Variants in SGCD observed in about 807,000 individuals in gnomAD.
The protein encoded by SGCD is sarcoglycan delta.
SGCD carries 18 observed loss-of-function variants against 36.6 expected under a neutral mutation model. That is an observed-to-expected ratio of 0.49 (90% CI 0.34 to 0.73). The LOEUF (loss-of-function observed/expected upper bound fraction) is 0.73. SGCD is among the 30% of genes least tolerant of loss of function. The pLI is 0.01. For missense variants in SGCD, 387 were observed against 346.7 expected, an observed-to-expected ratio of 1.12 and a Z score of -0.92; for synonymous variants, 133 against 130.6, an observed-to-expected ratio of 1.02 and a Z score of -0.12.
intron 3 of SGCD, among the ~76,000 whole-genome samples, chr5:156,236,465 T>C (rs1765166480): frequency 6.6e-6 from 1 of 151,962 alleles, no homozygotes; most frequent in African/African-American, 2.4e-5. Flanking sequence ...TTTTTTTTTT[T>C]TTGAGACGGA....
intron 3 of SGCD, among the ~76,000 whole-genome samples, chr5:156,250,127 C>G (rs943701162): frequency 6.6e-6 from 1 of 152,284 alleles, no homozygotes; most frequent in East Asian, 1.9e-4. Context: ...GGGTATTCTT[C>G]TATGTCCATG....
intron 6 of SGCD, among the ~76,000 whole-genome samples, chr5:156,633,573 A>G (rs1762713920): frequency 6.6e-6 from 1 of 152,172 alleles, no homozygotes; most frequent in Non-Finnish European, 1.5e-5. Flanking sequence ...TTTCTGCTAT[A>G]ATAATATCAT....
chr5:155,821,652 G>A, the SGCD span, among the ~76,000 whole-genome samples: 3 of 152,080 alleles, frequency 2.0e-5, no homozygotes, highest in South Asian at 2.1e-4. Context: ...GAACCTACAC[G>A]TCCATCCATA....
At chr5:155,728,636 C>G in the SGCD span, among the ~76,000 whole-genome samples, 1 of 152,116 alleles carries the variant, frequency 6.6e-6, no homozygotes, top group Non-Finnish European at 1.5e-5. Context: ...GCCGCTTGGC[C>G]GGCGCCGGCC....
chr5:155,870,869 G>A (rs1443789148), intron 1 of SGCD, among the ~76,000 whole-genome samples: 2 of 152,062 alleles, frequency 1.3e-5, no homozygotes, highest in African/African-American at 4.8e-5. Context: ...CACAACACGC[G>A]ATCGTTATTT....
At chr5:156,673,311 T>G (rs1753378383) in intron 7 of SGCD, among the ~76,000 whole-genome samples, 1 of 152,240 alleles carries the variant, frequency 6.6e-6, no homozygotes, top group Admixed American at 6.5e-5. Context: ...CCTCTTTCAT[T>G]TACTGAAAGC....
chr5:156,259,230 G>A (rs1162056213), intron 3 of SGCD, among the ~76,000 whole-genome samples: 3 of 151,748 alleles, frequency 2.0e-5, no homozygotes, highest in African/African-American at 4.8e-5. Context: ...ATGATATGGA[G>A]CATCTTTCCA....
At chr5:156,109,861 C>T (rs555592152) in intron 1 of SGCD, among the ~76,000 whole-genome samples, 9 of 152,252 alleles carry the variant, frequency 5.9e-5, no homozygotes, top group Admixed American at 4.6e-4. Context: ...AAAGGAACTC[C>T]ATAGGTATTT....
Position 156,031,005 on chromosome 5 carries a change from G to A in SGCD, c.-281-86873G>A, listed in dbSNP as rs77690289. Among the ~76,000 whole-genome samples, 1,179 of 152,254 alleles carry A rather than the reference G, an allele frequency of 7.7e-3. 18 individuals carry two copies. Among genetic ancestry groups the A allele is most frequent in the African/African-American group, 0.027 (1,125 of 41,544 alleles). ...GACCATGGGCAGAAGGCCTCCAGTAGCAGCATAAGAAAATCTGTCACCATC... is the reference window on the plus strand; with the variant it reads ...GACCATGGGCAGAAGGCCTCCAGTAACAGCATAAGAAAATCTGTCACCATC... On this transcript the variant is annotated intron_variant, in intron 1 of 9. Coordinates refer to the SGCD transcript ENST00000517913.
At chr5:156,240,957 T>G (rs1475276197) in intron 3 of SGCD, among the ~76,000 whole-genome samples, 1 of 152,200 alleles carries the variant, frequency 6.6e-6, no homozygotes, top group Non-Finnish European at 1.5e-5. Context: ...TTTTTTGGGC[T>G]CTAGATTAAT....
intron 1 of SGCD, among the ~76,000 whole-genome samples, chr5:156,112,820 T>C (rs1050700297): frequency 7.2e-5 from 11 of 152,180 alleles, no homozygotes; most frequent in African/African-American, 2.7e-4. Flanking sequence ...ACTGAGGTGA[T>C]GAGGCTGTTC....
At chr5:156,680,816 A>G (rs934462880) in intron 7 of SGCD, among the ~76,000 whole-genome samples, 6 of 152,216 alleles carry the variant, frequency 3.9e-5, no homozygotes, top group African/African-American at 1.4e-4. Context: ...ATGGTATTGC[A>G]TGGAGACATG....
chr5:156,715,506 G>A (rs183256985), intron 7 of SGCD, among the ~76,000 whole-genome samples: 2 of 152,236 alleles, frequency 1.3e-5, no homozygotes, highest in Admixed American at 6.5e-5. Flanking sequence ...AATCCATGCC[G>A]CCATTTCATC....
the SGCD span, among the ~76,000 whole-genome samples, chr5:155,728,788 C>G: frequency 1.3e-5 from 2 of 152,236 alleles, no homozygotes; most frequent in African/African-American, 4.8e-5. Flanking sequence ...CTGCGCCAGA[C>G]CTGGGAGCGA....
At chr5:156,103,470 T>TA (rs1042139666) in intron 1 of SGCD, among the ~76,000 whole-genome samples, 1 of 152,144 alleles carries the variant, frequency 6.6e-6, no homozygotes, top group African/African-American at 2.4e-5. Context: ...TAACACATAA[T>TA]AAAAAATTAA....
At chr5:156,567,603 A>G (rs1224675125) in intron 4 of SGCD, among the ~76,000 whole-genome samples, 2 of 152,062 alleles carry the variant, frequency 1.3e-5, no homozygotes, top group African/African-American at 4.8e-5. Context: ...CTTCAACTGA[A>G]TCTATGAGGC....
intron 7 of SGCD, among the ~76,000 whole-genome samples, chr5:156,656,365 T>A (rs1182480083): frequency 6.6e-6 from 1 of 152,074 alleles, no homozygotes; most frequent in Non-Finnish European, 1.5e-5. Context: ...CAGAGAATAA[T>A]GGAGAATTAC....
chr5:155,891,669 G>A (rs904576889), intron 1 of SGCD, among the ~76,000 whole-genome samples: 25 of 145,040 alleles, frequency 1.7e-4, no homozygotes, highest in Middle Eastern at 3.8e-3. Flanking sequence ...TGGGTGCTCT[G>A]GCCTGCATGC....
intron 3 of SGCD, among the ~76,000 whole-genome samples, chr5:156,229,299 T>TAA (rs1561575037): frequency 2.6e-5 from 2 of 76,420 alleles, no homozygotes; most frequent in East Asian, 1.4e-3. Context: ...TATATATATA[T>TAA]AAAATTAGTT....
Sources: gnomAD v4.1 joint callset for allele counts (sites outside exome capture counted in the v4.1 genomes callset) on GRCh38, gnomAD v4.1.1 for gene constraint, MANE v1.5 for transcripts, NCBI Gene and HGNC (gene_info 2026-07-23, HGNC 2026-07-21) for gene names.